Variants in PTOV1 observed in about 807,000 individuals in gnomAD.
PTOV1 encodes the protein prostate tumor-overexpressed gene 1 protein.
In PTOV1, 20 loss-of-function variants were observed where a neutral mutation model predicts 58.0. The ratio of observed to expected loss-of-function variants is 0.34; its 90% CI spans 0.24 to 0.50. The LOEUF (loss-of-function observed/expected upper bound fraction) is 0.50. Ranked by LOEUF, PTOV1 falls within the 20% of genes least tolerant of loss-of-function variation. The pLI, the probability that PTOV1 is intolerant of heterozygous loss-of-function variation, is 0.98. For missense variants in PTOV1, 593 were observed against 565.4 expected, an observed-to-expected ratio of 1.05 and a Z score of -0.50; for synonymous variants, 335 against 234.2, an observed-to-expected ratio of 1.43 and a Z score of -3.93.
chr19:49,858,704 C>T (rs2074595800), intron 10 of PTOV1, 51 bp downstream of exon 10: 9 of 1,452,910 alleles, frequency 6.2e-6, no homozygotes, highest in Non-Finnish European at 8.5e-6. Context: ...GCAGAGCGAG[C>T]CCGGACCGCT....
intron 9 of PTOV1, 132 bp downstream of exon 9, chr19:49,858,246 G>A (rs1405339089): frequency 1.7e-6 from 2 of 1,182,552 alleles, no homozygotes; most frequent in Non-Finnish European, 2.4e-6. Flanking sequence ...GCTGAAGCAG[G>A]TGTGGTGGGT....
chr19:49,859,559 C>T (rs945260074), intron 10 of PTOV1, among the ~76,000 whole-genome samples: 17 of 150,206 alleles, frequency 1.1e-4, no homozygotes, highest in Non-Finnish European at 1.8e-4. Context: ...GCGACAAGAG[C>T]GAAACTCAGT....
At chr19:49,856,655 C>G (rs2074481470) in intron 5 of PTOV1, 1 of 362,526 alleles carries the variant, frequency 2.8e-6, no homozygotes, top group Non-Finnish European at 5.1e-6. Flanking sequence ...TCTTAACCCC[C>G]AGGCCAAGTC....
exon 11 of PTOV1, chr19:49,860,017 C>G: frequency 1.2e-6 from 2 of 1,614,178 alleles, no homozygotes; most frequent in Non-Finnish European, 1.7e-6. Flanking sequence ...TACAAAGCAT[C>G]GTGTGAGATC....
intron 5 of PTOV1, 89 bp downstream of exon 5, chr19:49,855,166 G>C: frequency 7.5e-7 from 1 of 1,331,812 alleles, no homozygotes; most frequent in South Asian, 1.3e-5. Context: ...GGGGGTCGGG[G>C]GGTCTCCCCT....
chr19:49,851,872 T>C, intron 1 of PTOV1: 16 of 986,326 alleles, frequency 1.6e-5, no homozygotes, highest in Non-Finnish European at 1.9e-5. Flanking sequence ...GGGGGCGGTT[T>C]TGGGGGACAG....
At chr19:49,852,342 C>T (rs963896055) in intron 1 of PTOV1, 7 of 152,534 alleles carry the variant, frequency 4.6e-5, no homozygotes, top group African/African-American at 1.7e-4. Context: ...TAGATCACCT[C>T]CCACAACTTA....
intron 5 of PTOV1, chr19:49,855,328 G>A: frequency 1.9e-6 from 1 of 530,442 alleles, no homozygotes; most frequent in Non-Finnish European, 3.4e-6. Context: ...CTGGGGGCGT[G>A]AGTGCAGGGA....
intron 7 of PTOV1, 23 bp from the exon 8 acceptor site, chr19:49,857,878 GCTC>G: frequency 6.2e-7 from 1 of 1,612,734 alleles, no homozygotes; most frequent in South Asian, 1.1e-5. Context: ...AGCCCTGAGG[GCTC>G]CTCTTTGCCT....
chr19:49,856,805 G>A (rs1225005432), intron 5 of PTOV1, 170 bp from the exon 6 acceptor site: 3 of 761,334 alleles, frequency 3.9e-6, no homozygotes, highest in Admixed American at 2.9e-5. Flanking sequence ...ATGCCGATGG[G>A]CGCTGCACGG....
upstream of PTOV1, chr19:49,851,087 C>T (rs2074221965): frequency 1.4e-6 from 2 of 1,450,866 alleles, no homozygotes; most frequent in Admixed American, 2.4e-5. Flanking sequence ...CGCTCCCCCG[C>T]GCCGCCTTGG....
In PTOV1 at chr19:49,851,182, A is replaced by G. The variant is rs568978332; in HGVS notation, c.-147A>G. 13 of 1,215,948 alleles carry G rather than the reference A, an allele frequency of 1.1e-5. No homozygotes were observed. In the South Asian group the frequency reaches 3.4e-4, roughly 31 times the overall value. The allele number at this position is 1,215,948 out of a possible 1,614,324, so 75.3% of individuals were successfully genotyped here. A position where few individuals can be genotyped will look rare whatever the true frequency, so the allele number is the denominator to read the frequency against. ...TCAGTGGTTCGGCCGCGGCGACCCC[A>G]CTCCGGCGGCGCGTCCCCCGAGCTT... On this transcript the variant is annotated 5_prime_UTR_variant, in exon 1 of 12. Coordinates refer to ENST00000391842, the Ensembl canonical transcript of PTOV1.
At chr19:49,851,279 C>T in exon 1 of PTOV1, 1 of 1,081,128 alleles carries the variant, frequency 9.2e-7, no homozygotes, top group Non-Finnish European at 1.1e-6. Context: ...GAGCCCGCAG[C>T]CCCCCTTGTG....
At position 49,857,852 on chromosome 19, in the gene PTOV1, G is replaced by A. The variant is rs928141044; in HGVS notation, c.805-52G>A. ...CGGACTGTGGCTGGGAGGGGACACT[G>A]GCATTGGGGGTCTCCAGCCCTGAGG... On this transcript the variant is annotated intron_variant, in intron 7 of 11. Transcript: ENST00000391842. 6 of 1,611,856 alleles carry A rather than the reference G, an allele frequency of 3.7e-6. No homozygotes were observed. The African/African-American group carries it at 5.3e-5, about 14-fold the overall frequency.
chr19:49,860,492 A>ATG (rs2074710025), exon 12 of PTOV1: 2 of 716,876 alleles, frequency 2.8e-6, no homozygotes, highest in Non-Finnish European at 4.5e-6. Context: ...ACTGCAGCCC[A>ATG]GCCTCAGGGC....
chr19:49,854,728 AG>A lies in PTOV1; in HGVS notation c.387del (p.Asn130ThrfsTer11), dbSNP rs1266847463. 1 of 1,613,400 alleles carries A rather than the reference AG, an allele frequency of 6.2e-7. No individual in the cohort carries two copies. Among genetic ancestry groups the A allele is most frequent in the African/African-American group, 1.3e-5 (1 of 74,906 alleles). ...TGCCAAGCCTACGTGAACCAAGGCG[AG>A]AACCTGTGAGTGCCGGGGCGTGGCA... On this transcript the variant is annotated frameshift_variant, in exon 3 of 12. Coordinates refer to ENST00000391842, the Ensembl canonical transcript of PTOV1. LOFTEE classifies it high-confidence loss of function.
intron 5 of PTOV1, 85 bp from the exon 6 acceptor site, chr19:49,856,890 C>G: frequency 6.6e-7 from 1 of 1,519,474 alleles, no homozygotes; most frequent in Non-Finnish European, 9.0e-7. Context: ...CTCCCTTCAT[C>G]CCCTACAGGT....
At chr19:49,860,446 G>A (rs934897516) in exon 12 of PTOV1, 2 of 1,067,836 alleles carry the variant, frequency 1.9e-6, no homozygotes, top group Non-Finnish European at 2.6e-6. Flanking sequence ...AGCAGAGGGA[G>A]AGGCAGCAGT....
chr19:49,857,589 G>A lies in PTOV1; in HGVS notation c.715-104G>A, dbSNP rs1395641851. 6 of 1,081,930 alleles carry A rather than the reference G, an allele frequency of 5.5e-6. No homozygotes were observed. In the Admixed American group the frequency reaches 1.0e-4, roughly 18 times the overall value. 67.0% of individuals were successfully genotyped at this position (1,081,930 alleles called of 1,614,324 possible). A position where few individuals can be genotyped will look rare whatever the true frequency, so the allele number is the denominator to read the frequency against. On this transcript the variant is annotated intron_variant, in intron 6 of 11. Coordinates refer to ENST00000391842, the Ensembl canonical transcript of PTOV1. ...GGACTAGAGAATGGACCCAGCTGGGGCTAACAGGCCAAGGCTCGGAGGGAG... is the reference window on the plus strand; with the variant it reads ...GGACTAGAGAATGGACCCAGCTGGGACTAACAGGCCAAGGCTCGGAGGGAG...
Sources: allele counts gnomAD v4.1 joint callset (sites outside exome capture counted in the v4.1 genomes callset), GRCh38; gene constraint gnomAD v4.1.1; transcripts MANE v1.5; gene names NCBI Gene and HGNC (gene_info 2026-07-23, HGNC 2026-07-21).